CDK19: variants seen among roughly 807,000 people sequenced by gnomAD.
CDK19 encodes the protein cyclin dependent kinase 19.
Under a neutral mutation model 68.3 loss-of-function variants are expected in CDK19, and 20 were observed. The observed-to-expected ratio is 0.29, with a 90% CI of 0.21 to 0.43. The LOEUF is 0.43. Among genes scored for constraint, CDK19 ranks in the 20% least tolerant of loss-of-function variants. CDK19 has a pLI of 1.00. For missense variants in CDK19, 339 were observed against 623.5 expected, an observed-to-expected ratio of 0.54 and a Z score of 4.86; for synonymous variants, 221 against 222.8, an observed-to-expected ratio of 0.99 and a Z score of 0.07.
intron 1 of CDK19, among the ~76,000 whole-genome samples, chr6:110,769,171 A>C (rs1044747355): frequency 2.2e-4 from 33 of 151,638 alleles, no homozygotes; most frequent in African/African-American, 8.0e-4. Flanking sequence ...AAAAAAAAAA[A>C]AAAACCCTAA....
At chr6:110,726,316 TACC>T (rs1776311369) in intron 2 of CDK19, among the ~76,000 whole-genome samples, 1 of 152,188 alleles carries the variant, frequency 6.6e-6, no homozygotes, top group Non-Finnish European at 1.5e-5. Flanking sequence ...AAACAGATGT[TACC>T]AGGTCCTTGT....
intron 2 of CDK19, among the ~76,000 whole-genome samples, chr6:110,743,954 T>A (rs927308263): frequency 6.6e-6 from 1 of 151,592 alleles, no homozygotes. Context: ...GATTTTAAAA[T>A]GTGACAAATC....
chr6:110,754,761 T>A (rs1778721826), intron 1 of CDK19, among the ~76,000 whole-genome samples: 1 of 152,226 alleles, frequency 6.6e-6, no homozygotes. Context: ...ATTACAGGCG[T>A]CAGCCACCCT....
At chr6:110,754,033 CTTTTT>C (rs751347932) in intron 1 of CDK19, among the ~76,000 whole-genome samples, 1 of 138,772 alleles carries the variant, frequency 7.2e-6, no homozygotes, top group Non-Finnish European at 1.6e-5. Context: ...TTGGCAAATT[CTTTTT>C]TTTTTTTTTT....
chr6:110,726,258 GGAGA>G (rs1182704767), intron 2 of CDK19, among the ~76,000 whole-genome samples: 1 of 152,162 alleles, frequency 6.6e-6, no homozygotes, highest in Non-Finnish European at 1.5e-5. Flanking sequence ...GAATACTTTA[GGAGA>G]TAATTAGCAA....
intron 2 of CDK19, among the ~76,000 whole-genome samples, chr6:110,675,215 G>A (rs748112216): frequency 1.3e-5 from 2 of 152,160 alleles, no homozygotes; most frequent in Non-Finnish European, 2.9e-5. Context: ...AGAAGTCAAC[G>A]CCTGGTTTCA....
At chr6:110,730,494 C>T (rs1476947552) in intron 2 of CDK19, among the ~76,000 whole-genome samples, 3 of 152,102 alleles carry the variant, frequency 2.0e-5, no homozygotes, top group Non-Finnish European at 4.4e-5. Context: ...ATTATGGATA[C>T]AAATAAGCCC....
intron 1 of CDK19, among the ~76,000 whole-genome samples, chr6:110,758,473 C>T (rs1778978752): frequency 6.6e-6 from 1 of 152,120 alleles, no homozygotes. Flanking sequence ...CTCCCTTACC[C>T]CATCCCCAAA....
intron 4 of CDK19, among the ~76,000 whole-genome samples, chr6:110,660,517 T>C (rs1215606739): frequency 2.6e-5 from 4 of 152,160 alleles, no homozygotes; most frequent in Non-Finnish European, 5.9e-5. Flanking sequence ...TTGTCCAGCA[T>C]CCAGGAGGAA....
intron 10 of CDK19, 123 bp downstream of exon 10, chr6:110,622,692 C>CA: frequency 1.5e-6 from 1 of 648,778 alleles, no homozygotes; most frequent in South Asian, 1.8e-5. Flanking sequence ...TGCTCTTGAG[C>CA]AGTCTTTAGG....
intron 6 of CDK19, among the ~76,000 whole-genome samples, chr6:110,629,999 T>TA (rs879720713): frequency 9.2e-5 from 14 of 152,014 alleles, no homozygotes; most frequent in African/African-American, 2.2e-4. Context: ...TTCATTTATT[T>TA]AAAAAAAAGC....
At chr6:110,687,067 T>C (rs533721598) in intron 2 of CDK19, among the ~76,000 whole-genome samples, 1 of 152,104 alleles carries the variant, frequency 6.6e-6, no homozygotes, top group Non-Finnish European at 1.5e-5. Context: ...AAATAAAATA[T>C]ATAGTTTGCA....
chr6:110,701,828 TA>T (rs1562212014), intron 2 of CDK19, among the ~76,000 whole-genome samples: 1 of 151,762 alleles, frequency 6.6e-6, no homozygotes, highest in African/African-American at 2.4e-5. Context: ...ATATAGCCAT[TA>T]AAAAAGAATG....
At chr6:110,767,192 G>C (rs1458226898) in intron 1 of CDK19, among the ~76,000 whole-genome samples, 2 of 151,832 alleles carry the variant, frequency 1.3e-5, no homozygotes, top group African/African-American at 4.8e-5. Flanking sequence ...GAAGTACCAA[G>C]TAGAACAGTG....
chr6:110,634,376 C>T (rs1779627798), intron 5 of CDK19, among the ~76,000 whole-genome samples: 1 of 152,104 alleles, frequency 6.6e-6, no homozygotes, highest in Non-Finnish European at 1.5e-5. Context: ...CACCACCATG[C>T]CTGGCTAATT....
chr6:110,613,720 T>C lies in CDK19; in HGVS notation c.*815A>G, dbSNP rs1329155995. The C allele has an allele frequency of 6.6e-6, 1 of 152,626 alleles. No homozygotes were observed. Among genetic ancestry groups the C allele is most frequent in the Non-Finnish European group, 1.5e-5 (1 of 68,034 alleles). 9.5% of individuals were successfully genotyped at this position (152,626 alleles called of 1,614,324 possible). A position where few individuals can be genotyped will look rare whatever the true frequency, so the allele number is the denominator to read the frequency against. ...GCGTTTTGGTGTGGGCCATCGAGAC[T>C]GTACAAAGCTCTTGAAACCCTTTTT... On this transcript the variant is annotated 3_prime_UTR_variant, in exon 13 of 13. Transcript: ENST00000368911.
intron 1 of CDK19, among the ~76,000 whole-genome samples, chr6:110,792,652 C>G (rs1233753880): frequency 6.6e-6 from 1 of 152,218 alleles, no homozygotes; most frequent in Non-Finnish European, 1.5e-5. Flanking sequence ...GGTGATCCAC[C>G]CGCCGCGACA....
At position 110,614,463 on chromosome 6, in the gene CDK19, G is replaced by C; in HGVS notation, c.*72C>G. 1 of 1,503,634 alleles carries C rather than the reference G, an allele frequency of 6.7e-7. No homozygotes were observed. Among genetic ancestry groups the C allele is most frequent in the South Asian group, 1.2e-5 (1 of 82,744 alleles). The allele number at this position is 1,503,634 out of a possible 1,614,324, so 93.1% of individuals were successfully genotyped here. A position where few individuals can be genotyped will look rare whatever the true frequency, so the allele number is the denominator to read the frequency against. ...TGGCATCATAGTTTGCATTTTTTTGGTTCTTTTCAATGCAGACATATTGCT... is the reference window on the plus strand; with the variant it reads ...TGGCATCATAGTTTGCATTTTTTTGCTTCTTTTCAATGCAGACATATTGCT... On this transcript the variant is annotated 3_prime_UTR_variant, in exon 13 of 13. Transcript: ENST00000368911.
intron 4 of CDK19, among the ~76,000 whole-genome samples, chr6:110,666,260 C>CAAAAA (rs777957434): frequency 1.0e-5 from 1 of 98,900 alleles, no homozygotes; most frequent in African/African-American, 3.8e-5. Flanking sequence ...CTAAAAAATA[C>CAAAAA]AAAAAAAAAA....
Sources: allele counts gnomAD v4.1 joint callset (sites outside exome capture counted in the v4.1 genomes callset), GRCh38; gene constraint gnomAD v4.1.1; transcripts MANE v1.5; gene names NCBI Gene and HGNC (gene_info 2026-07-23, HGNC 2026-07-21).